The following SYT16 variants were observed in gnomAD, a reference collection of about 807,000 sequenced individuals.
SYT16 encodes synaptotagmin 16.
A neutral mutation model predicts 61.4 loss-of-function variants in SYT16; 42 were observed. The ratio of observed to expected loss-of-function variants is 0.68; its 90% confidence interval spans 0.53 to 0.89. The LOEUF is 0.89. Ranked by LOEUF, SYT16 falls within the 40% of genes least tolerant of loss-of-function variation. The pLI is 0.00. For missense variants in SYT16, 804 were observed against 807.3 expected, an observed-to-expected ratio of 1.00 and a Z score of 0.05; for synonymous variants, 314 against 302.3, an observed-to-expected ratio of 1.04 and a Z score of -0.40.
chr14:62,096,182 A>G (rs1444391102), intron 7 of SYT16, among the ~76,000 whole-genome samples: 2 of 152,056 alleles, frequency 1.3e-5, no homozygotes, highest in Admixed American at 6.6e-5. Flanking sequence ...TTTAAAAAGC[A>G]TCAACTTAAA....
At chr14:61,948,322 G>A (rs1241355554) in intron 1 of SYT16, among the ~76,000 whole-genome samples, 1 of 151,942 alleles carries the variant, frequency 6.6e-6, no homozygotes, top group Non-Finnish European at 1.5e-5. Context: ...ATCAAAGTAG[G>A]TTAGTCTAGC....
intron 3 of SYT16, among the ~76,000 whole-genome samples, chr14:62,029,867 G>T (rs2054248183): frequency 6.6e-6 from 1 of 151,922 alleles, no homozygotes; most frequent in African/African-American, 2.4e-5. Flanking sequence ...TGTACACATT[G>T]ATATGTTTGT....
intron 1 of SYT16, among the ~76,000 whole-genome samples, chr14:61,937,182 T>G (rs1246274953): frequency 6.6e-6 from 1 of 152,238 alleles, no homozygotes; most frequent in East Asian, 1.9e-4. Flanking sequence ...TTTAAACTGA[T>G]TTTGCTTTGA....
intron 1 of SYT16, among the ~76,000 whole-genome samples, chr14:61,835,764 A>C (rs1309075880): frequency 6.6e-6 from 1 of 152,186 alleles, no homozygotes; most frequent in Non-Finnish European, 1.5e-5. Context: ...GAAGGATTGT[A>C]CCAATTTATA....
chr14:62,038,705 G>A (rs1272165010), intron 3 of SYT16, among the ~76,000 whole-genome samples: 2 of 152,140 alleles, frequency 1.3e-5, no homozygotes, highest in Non-Finnish European at 1.5e-5. Context: ...TGTACTTTGT[G>A]TTGACCCAGC....
At chr14:62,015,672 A>G (rs1438777801) in intron 3 of SYT16, among the ~76,000 whole-genome samples, 1 of 152,172 alleles carries the variant, frequency 6.6e-6, no homozygotes, top group Admixed American at 6.5e-5. Context: ...CCCTTATAAA[A>G]GAGGCCCCAG....
At chr14:62,057,619 T>C (rs540831891) in intron 3 of SYT16, among the ~76,000 whole-genome samples, 17 of 152,318 alleles carry the variant, frequency 1.1e-4, no homozygotes, top group African/African-American at 3.6e-4. Flanking sequence ...CAAGTACTTA[T>C]TGGCTCATGA....
chr14:61,831,367 A>ATTATAAC (rs150024034), intron 1 of SYT16, among the ~76,000 whole-genome samples: 20,166 of 152,130 alleles, frequency 0.13, 1,462 homozygotes, highest in African/African-American at 0.2. Flanking sequence ...ACTGATGAGA[A>ATTATAAC]TTATAATTTA....
rs74057507 is a variant in SYT16 at position 61,825,958 on chromosome 14, C to T, written c.-325+13148C>T. ...ATTGTCAGGAGCACTTCCTGCCACC[C>T]CATAGTTCAAAAAGCAAACAAGGGC... On this transcript the variant is annotated intron_variant, in intron 1 of 7. Transcript: ENST00000683842. Among the ~76,000 whole-genome samples the T allele has an allele frequency of 5.7e-3, 869 of 152,258 alleles. 5 individuals are homozygous for T. Among genetic ancestry groups the T allele is most frequent in the African/African-American group, 0.02 (829 of 41,546 alleles).
At chr14:62,022,839 T>C (rs1258601381) in intron 3 of SYT16, among the ~76,000 whole-genome samples, 1 of 152,094 alleles carries the variant, frequency 6.6e-6, no homozygotes, top group Non-Finnish European at 1.5e-5. Flanking sequence ...TGCAAAGCTA[T>C]CAATTGGATT....
Position 61,830,125 on chromosome 14 carries a change from G to A in SYT16, c.-325+17315G>A, listed in dbSNP as rs187951097. 2.1e-3 allele frequency among the ~76,000 whole-genome samples: 316 copies of A among 152,046 alleles called. 1 individual carries two copies. Among genetic ancestry groups the A allele is most frequent in the African/African-American group, 7.3e-3 (302 of 41,486 alleles). On this transcript the variant is annotated intron_variant, in intron 1 of 7. Coordinates refer to ENST00000683842, the MANE Select transcript of SYT16 (RefSeq NM_001367656.1). ...TTTTTCTGAGCCCACTGGTTTTTCC[G>A]TTTGTTTGAAGAGGGTTCATAATTT...
chr14:62,027,635 G>T lies in SYT16; in HGVS notation c.523+31093G>T, dbSNP rs552645452. Among the ~76,000 whole-genome samples the T allele has an allele frequency of 2.6e-5, 4 of 152,254 alleles. No individual in the cohort carries two copies. In the East Asian group the frequency reaches 7.7e-4, roughly 29 times the overall value. On this transcript the variant is annotated intron_variant, in intron 3 of 7. Coordinates refer to ENST00000683842, the MANE Select transcript of SYT16 (RefSeq NM_001367656.1). ...CATGCACCACAGTAATACTCTCAGA[G>T]GTGACATATCACTGATCACTATCCT...
intron 3 of SYT16, among the ~76,000 whole-genome samples, chr14:62,008,181 C>T (rs1375412040): frequency 6.6e-6 from 1 of 151,910 alleles, no homozygotes; most frequent in African/African-American, 2.4e-5. Context: ...CGGTAAATCT[C>T]CTTTCTTTCT....
At chr14:61,824,457 A>G (rs1405821872) in intron 1 of SYT16, among the ~76,000 whole-genome samples, 2 of 152,100 alleles carry the variant, frequency 1.3e-5, no homozygotes, top group African/African-American at 2.4e-5. Context: ...GGTTCACACC[A>G]TTCTCCTGCC....
intron 3 of SYT16, among the ~76,000 whole-genome samples, chr14:62,059,589 T>G (rs2140913472): frequency 6.6e-6 from 1 of 151,442 alleles, no homozygotes; most frequent in African/African-American, 2.4e-5. Context: ...AAAAGATTGC[T>G]CTGAAGTTTT....
chr14:62,084,269 A>G lies in SYT16; in HGVS notation c.1508A>G (p.His503Arg). The change falls in exon 7 of 8, where the codon CAT (histidine) becomes CGT (arginine). Residue 503 changes from histidine (H) to arginine (R), a missense_variant. Transcript: ENST00000683842. ...DSTSSTQSLS[H>R]GGAPELLVGL... is the part of the protein sequence containing the mutation. ...ACTTCATCCACGCAGTCGCTGTCTCATGGAGGGGCGCCAGAGCTGTTGGTG... is the reference window on the plus strand; with the variant it reads ...ACTTCATCCACGCAGTCGCTGTCTCGTGGAGGGGCGCCAGAGCTGTTGGTG... 2 of 1,613,582 alleles carry G rather than the reference A, an allele frequency of 1.2e-6. No homozygotes were observed. The highest frequency in any genetic ancestry group is 2.2e-5 in the South Asian group (2 of 91,058).
chr14:61,863,512 A>G (rs2047030983), intron 1 of SYT16, among the ~76,000 whole-genome samples: 1 of 152,230 alleles, frequency 6.6e-6, no homozygotes, highest in African/African-American at 2.4e-5. Flanking sequence ...TTTGGATAAC[A>G]GTTCTTTATC....
At chr14:62,086,880 C>T (rs905523880) in intron 7 of SYT16, among the ~76,000 whole-genome samples, 3 of 152,130 alleles carry the variant, frequency 2.0e-5, no homozygotes, top group Non-Finnish European at 4.4e-5. Flanking sequence ...AACAATGCTG[C>T]CGTGATGCTA....
chr14:61,987,453 G>A (rs963913006), intron 2 of SYT16, among the ~76,000 whole-genome samples: 15 of 152,178 alleles, frequency 9.9e-5, no homozygotes, highest in African/African-American at 3.6e-4. Context: ...AGTGAATGCA[G>A]TGGGGTCATT....
Sources: gnomAD v4.1 joint callset for allele counts (sites outside exome capture counted in the v4.1 genomes callset) on GRCh38, gnomAD v4.1.1 for gene constraint, MANE v1.5 for transcripts, NCBI Gene and HGNC (gene_info 2026-07-23, HGNC 2026-07-21) for gene names.